Variants in DOCK8 observed in about 807,000 individuals in gnomAD.
DOCK8 encodes dedicator of cytokinesis protein 8.
DOCK8 carries 141 observed loss-of-function variants against 245.6 expected under a neutral mutation model. The ratio of observed to expected loss-of-function variants is 0.57; its 90% CI spans 0.50 to 0.66. DOCK8 has a LOEUF of 0.66. DOCK8 is among the 30% of genes least tolerant of loss of function. The pLI is 0.00. For missense variants in DOCK8, 2,965 were observed against 2,603.4 expected, an observed-to-expected ratio of 1.14 and a Z score of -3.02; for synonymous variants, 1,168 against 970.2, an observed-to-expected ratio of 1.20 and a Z score of -3.79.
intron 15 of DOCK8, 76 bp from the exon 16 acceptor site, chr9:370,154 C>G (rs2053218712): frequency 1.6e-6 from 2 of 1,255,694 alleles, no homozygotes; most frequent in Non-Finnish European, 1.2e-6. Flanking sequence ...CCAGAACATC[C>G]TGTTGGCCTG....
intron 1 of DOCK8, among the ~76,000 whole-genome samples, chr9:223,472 T>G (rs2046927403): frequency 6.6e-6 from 1 of 152,108 alleles, no homozygotes; most frequent in Non-Finnish European, 1.5e-5. Flanking sequence ...CCTGGCCTCA[T>G]AGCCCTCCGT....
intron 28 of DOCK8, 51 bp from the exon 29 acceptor site, chr9:414,731 T>C: frequency 1.2e-6 from 2 of 1,611,720 alleles, no homozygotes; most frequent in Middle Eastern, 1.7e-4. Flanking sequence ...AAGAGCTCTT[T>C]AGTCAATTTC....
rs576923756 is a variant in DOCK8 at position 370,451 on chromosome 9, T to G, written c.1868+151T>G. 1.5e-5 allele frequency: 11 copies of G among 725,406 alleles called. No individual in the cohort carries two copies. In the East Asian group the frequency reaches 3.0e-4, roughly 19 times the overall value. The allele number at this position is 725,406 out of a possible 1,614,324, so 44.9% of individuals were successfully genotyped here. A position where few individuals can be genotyped will look rare whatever the true frequency, so the allele number is the denominator to read the frequency against. On this transcript the variant is annotated intron_variant, in intron 16 of 47. Coordinates refer to ENST00000432829, the MANE Select transcript of DOCK8 (RefSeq NM_203447.4). The stretch of plus-strand genomic sequence containing the variant: ...CCATGCCAGTTCCGTGACTCTGTGT[T>G]GAAGATGTATAACTTTGCCATTAAC...
intron 5 of DOCK8, among the ~76,000 whole-genome samples, chr9:311,177 A>G (rs1295076743): frequency 1.3e-5 from 2 of 151,880 alleles, no homozygotes; most frequent in African/African-American, 4.8e-5. Flanking sequence ...CCCATCTGCT[A>G]GGGAGGCCGA....
At chr9:375,656 C>A (rs2131251679) in intron 18 of DOCK8, among the ~76,000 whole-genome samples, 1 of 152,230 alleles carries the variant, frequency 6.6e-6, no homozygotes, top group South Asian at 2.1e-4. Flanking sequence ...AGCATGAGAA[C>A]AGAACACTAA....
rs751636410 is a variant in DOCK8, at chr9:312,148, T to C, written c.723T>C (p.Leu241=). The change falls in exon 6 of 48, where the codon CTT becomes CTC. Residue 241 remains leucine, a synonymous_variant. Transcript: ENST00000432829. ...RTNRQAELFA[L]YPSVDEEDAV... is the part of the protein sequence containing the mutation. ...ATAGGCAGGCCGAGCTCTTTGCCCT[T>C]TACCCATCAGTGGACGAGGTGGGTG... 1 of 1,614,206 alleles carries C rather than the reference T, an allele frequency of 6.2e-7. No individual in the cohort carries two copies. The highest frequency in any genetic ancestry group is 8.5e-7 in the Non-Finnish European group (1 of 1,180,030).
intron 32 of DOCK8, 92 bp downstream of exon 32, chr9:421,170 A>G: frequency 6.5e-7 from 1 of 1,538,214 alleles, no homozygotes; most frequent in Non-Finnish European, 9.0e-7. Flanking sequence ...AGACACCATT[A>G]CTTTCTTGAG....
At chr9:273,592 G>A (rs1360235214) in intron 2 of DOCK8, among the ~76,000 whole-genome samples, 1 of 152,042 alleles carries the variant, frequency 6.6e-6, no homozygotes, top group Admixed American at 6.5e-5. Flanking sequence ...TTCTGCAGTA[G>A]TTGTCTTGGG....
chr9:344,395 T>C (rs918910910), intron 14 of DOCK8, among the ~76,000 whole-genome samples: 12 of 152,208 alleles, frequency 7.9e-5, no homozygotes, highest in African/African-American at 2.2e-4. Context: ...AGTCCTTGTG[T>C]GCTTTAGGGT....
chr9:400,440 CACCACCACCAGCA>C, intron 26 of DOCK8, among the ~76,000 whole-genome samples: 1 of 33,050 alleles, frequency 3.0e-5, no homozygotes, highest in Non-Finnish European at 6.9e-5. Flanking sequence ...CCACCACCTC[CACCACCACCAGCA>C]TCTTCACCAT....
chr9:262,486 C>G (rs2047940683), intron 1 of DOCK8, among the ~76,000 whole-genome samples: 1 of 149,212 alleles, frequency 6.7e-6, no homozygotes, highest in Non-Finnish European at 1.5e-5. Context: ...AGGAATACTC[C>G]TCTATAATAA....
intron 1 of DOCK8, among the ~76,000 whole-genome samples, chr9:268,955 A>C (rs1029346989): frequency 6.6e-6 from 1 of 152,222 alleles, no homozygotes; most frequent in Non-Finnish European, 1.5e-5. Context: ...TCTATCAAGC[A>C]CTTGGAGACA....
intron 7 of DOCK8, among the ~76,000 whole-genome samples, chr9:317,957 A>T (rs2050417105): frequency 7.6e-6 from 1 of 130,890 alleles, no homozygotes; most frequent in Admixed American, 8.3e-5. Context: ...CAAACGTTTC[A>T]ATTGTATACT....
At chr9:417,324 T>C (rs1564038826) in intron 29 of DOCK8, among the ~76,000 whole-genome samples, 1 of 152,170 alleles carries the variant, frequency 6.6e-6, no homozygotes, top group South Asian at 2.1e-4. Context: ...GGGTTTTGTT[T>C]TCACAACTTT....
chr9:425,802 A>G (rs560562152), intron 33 of DOCK8, among the ~76,000 whole-genome samples: 1 of 152,114 alleles, frequency 6.6e-6, no homozygotes, highest in East Asian at 1.9e-4. Context: ...TTTATTTTAC[A>G]CATATATTAT....
At chr9:227,337 A>T (rs1422879942) in intron 1 of DOCK8, among the ~76,000 whole-genome samples, 1 of 152,220 alleles carries the variant, frequency 6.6e-6, no homozygotes, top group East Asian at 1.9e-4. Context: ...GATGTAGTAG[A>T]CTGTACCTTT....
chr9:395,378 A>C (rs1292110171), intron 24 of DOCK8, among the ~76,000 whole-genome samples: 3 of 152,080 alleles, frequency 2.0e-5, no homozygotes, highest in Non-Finnish European at 4.4e-5. Context: ...TTTCCATGCT[A>C]ACAAAAATTG....
At chr9:243,688 CAAG>C (rs1433944988) in intron 1 of DOCK8, among the ~76,000 whole-genome samples, 1 of 152,110 alleles carries the variant, frequency 6.6e-6, no homozygotes, top group Non-Finnish European at 1.5e-5. Context: ...CCTGCAGCCT[CAAG>C]TGGTTCCAGA....
chr9:218,532 T>G (rs1213323099), intron 1 of DOCK8, among the ~76,000 whole-genome samples: 1 of 152,204 alleles, frequency 6.6e-6, no homozygotes, highest in Non-Finnish European at 1.5e-5. Context: ...GGATTTCAGG[T>G]GCTGCTGCAT....
Sources: allele counts gnomAD v4.1 joint callset (sites outside exome capture counted in the v4.1 genomes callset), GRCh38; gene constraint gnomAD v4.1.1; transcripts MANE v1.5; gene names NCBI Gene and HGNC (gene_info 2026-07-23, HGNC 2026-07-21).